Variants in PTPRG observed in about 807,000 individuals in gnomAD.
PTPRG encodes receptor-type tyrosine-protein phosphatase gamma.
Under a neutral mutation model 165.3 loss-of-function variants are expected in PTPRG, and 102 were observed. The ratio of observed to expected loss-of-function variants is 0.62; its 90% CI spans 0.53 to 0.73. The LOEUF is 0.73. Among genes scored for constraint, PTPRG ranks in the 30% least tolerant of loss-of-function variants. The probability of loss-of-function intolerance (pLI) is 0.00; values close to 1 mark genes in which losing one functional copy is unlikely to be tolerated. For synonymous variants in PTPRG, 675 were observed against 669.5 expected (o/e 1.01, Z -0.13); for missense variants, 1,866 against 1,861.4 (o/e 1.00, Z -0.05).
At chr3:61,691,390 G>A (rs1391202149) in intron 1 of PTPRG, among the ~76,000 whole-genome samples, 1 of 152,200 alleles carries the variant, frequency 6.6e-6, no homozygotes, top group Non-Finnish European at 1.5e-5. Flanking sequence ...CTGGGAGACA[G>A]AGGGAGACCC....
chr3:62,114,332 A>G (rs532022712), intron 5 of PTPRG, among the ~76,000 whole-genome samples: 1 of 152,204 alleles, frequency 6.6e-6, no homozygotes, highest in South Asian at 2.1e-4. Context: ...AAAAACGTAG[A>G]TTTCCTAGGT....
chr3:62,106,747 A>G (rs1022224061), intron 5 of PTPRG, among the ~76,000 whole-genome samples: 1 of 152,168 alleles, frequency 6.6e-6, no homozygotes, highest in Non-Finnish European at 1.5e-5. Context: ...ACCTCTAGGA[A>G]CAGAAACAGC....
intron 16 of PTPRG, 75 bp from the exon 17 acceptor site, chr3:62,262,723 C>T: frequency 9.1e-7 from 1 of 1,094,600 alleles, no homozygotes; most frequent in Non-Finnish European, 1.3e-6. Flanking sequence ...TGAGTAAATA[C>T]TTTATGCCTT....
chr3:62,123,232 C>T (rs1270421608), intron 5 of PTPRG, among the ~76,000 whole-genome samples: 4 of 152,162 alleles, frequency 2.6e-5, no homozygotes, highest in Non-Finnish European at 5.9e-5. Flanking sequence ...AACCCAGTTC[C>T]TCAAGGGCTA....
chr3:62,079,843 A>G (rs1701505405), intron 5 of PTPRG, among the ~76,000 whole-genome samples: 1 of 152,224 alleles, frequency 6.6e-6, no homozygotes, highest in Non-Finnish European at 1.5e-5. Flanking sequence ...CAGCTAATAC[A>G]TCATGTAGAT....
rs575227887 is a variant in PTPRG, at chr3:61,893,401, C to G, written c.191-96224C>G. 3.6e-4 allele frequency among the ~76,000 whole-genome samples: 55 copies of G among 152,290 alleles called. No individual in the cohort carries two copies. In the South Asian group the frequency reaches 0.011, roughly 32 times the overall value. ...TCTCATAAGAACCCCATAAGGTAGT[C>G]AATGTCAATATCTCTTTTTAGCATT... is the stretch of plus-strand genomic sequence containing the variant. On this transcript the variant is annotated intron_variant, in intron 2 of 29. Transcript: ENST00000474889.
intron 2 of PTPRG, among the ~76,000 whole-genome samples, chr3:61,761,925 T>C (rs1182214048): frequency 1.3e-5 from 2 of 152,188 alleles, no homozygotes; most frequent in African/African-American, 4.8e-5. Context: ...TAGTTCCAAA[T>C]GTTAGGCTGA....
At chr3:61,700,796 T>A (rs1437497537) in intron 1 of PTPRG, among the ~76,000 whole-genome samples, 4 of 152,228 alleles carry the variant, frequency 2.6e-5, no homozygotes, top group Non-Finnish European at 5.9e-5. Flanking sequence ...AGCTCTGTCA[T>A]TTTCATTCTG....
At chr3:62,202,751 C>T (rs536603739) in intron 11 of PTPRG, among the ~76,000 whole-genome samples, 1 of 152,330 alleles carries the variant, frequency 6.6e-6, no homozygotes, top group East Asian at 1.9e-4. Context: ...AGCTGAGTAT[C>T]TACTCAAGTG....
chr3:62,149,466 G>A (rs970967241), intron 6 of PTPRG, among the ~76,000 whole-genome samples: 1 of 152,170 alleles, frequency 6.6e-6, no homozygotes, highest in African/African-American at 2.4e-5. Flanking sequence ...ATGTGGTTTC[G>A]CCAAGTTGGC....
intron 4 of PTPRG, among the ~76,000 whole-genome samples, chr3:62,074,870 G>C (rs1701333073): frequency 6.6e-6 from 1 of 152,080 alleles, no homozygotes; most frequent in African/African-American, 2.4e-5. Context: ...AGGTGTTTTT[G>C]GAAAATAGTT....
At position 61,571,936 on chromosome 3, in the gene PTPRG, G is replaced by A. The variant is rs149145523; in HGVS notation, c.85+9564G>A. 1.6e-3 allele frequency among the ~76,000 whole-genome samples: 238 copies of A among 152,232 alleles called. 5 individuals are homozygous for A. The highest frequency in any genetic ancestry group is 0.015 in the South Asian group (73 of 4,818). On this transcript the variant is annotated intron_variant, in intron 1 of 29. Transcript: ENST00000474889. ...TTGGGCAAGACCCTCAATTTCTTTC[G>A]GGTTGTTTGCCTCACCCTTCACTAA...
intron 2 of PTPRG, among the ~76,000 whole-genome samples, chr3:61,779,618 A>G (rs910352532): frequency 9.2e-5 from 14 of 152,190 alleles, no homozygotes; most frequent in African/African-American, 3.4e-4. Context: ...GAGGGTAGAT[A>G]TCCTACCAAA....
In PTPRG at chr3:62,293,792, G is replaced by A. The variant is rs1245681506; in HGVS notation, c.*485G>A. ...TATGCCTTCTGTATTTTAATGGAGT[G>A]GATAGCATTGTTTTCTTTTACAGAC... On this transcript the variant is annotated 3_prime_UTR_variant, in exon 30 of 30. Transcript: ENST00000474889. The A allele has an allele frequency of 6.6e-6, 1 of 152,386 alleles. No homozygotes were observed. The highest frequency in any genetic ancestry group is 1.5e-5 in the Non-Finnish European group (1 of 67,994). The allele number at this position is 152,386 out of a possible 1,614,324, so 9.4% of individuals were successfully genotyped here.
intron 2 of PTPRG, among the ~76,000 whole-genome samples, chr3:61,878,844 G>A (rs2037812332): frequency 6.6e-6 from 1 of 151,970 alleles, no homozygotes; most frequent in South Asian, 2.1e-4. Context: ...CTATATTTTT[G>A]GAATGAGAGT....
chr3:61,661,501 T>C (rs539248709), intron 1 of PTPRG, among the ~76,000 whole-genome samples: 78 of 152,316 alleles, frequency 5.1e-4, no homozygotes, highest in African/African-American at 1.8e-3. Context: ...TGCCACTGAA[T>C]GTTTTTTAGA....
At chr3:62,105,572 C>G (rs984199881) in intron 5 of PTPRG, among the ~76,000 whole-genome samples, 7 of 152,148 alleles carry the variant, frequency 4.6e-5, no homozygotes, top group Admixed American at 4.6e-4. Flanking sequence ...TCTAGAGAGG[C>G]ATTTAAGAAT....
At chr3:62,183,122 C>T (rs1311385310) in intron 8 of PTPRG, among the ~76,000 whole-genome samples, 1 of 152,194 alleles carries the variant, frequency 6.6e-6, no homozygotes, top group Non-Finnish European at 1.5e-5. Flanking sequence ...GAATGAATGA[C>T]CCTCTTAGAT....
At chr3:61,883,699 C>T (rs903967683) in intron 2 of PTPRG, among the ~76,000 whole-genome samples, 7 of 151,994 alleles carry the variant, frequency 4.6e-5, no homozygotes, top group Non-Finnish European at 1.0e-4. Context: ...TTGTCAAAGT[C>T]GCTCTTTTTT....
Sources: allele counts gnomAD v4.1 joint callset (sites outside exome capture counted in the v4.1 genomes callset), GRCh38; gene constraint gnomAD v4.1.1; transcripts MANE v1.5; gene names NCBI Gene and HGNC (gene_info 2026-07-23, HGNC 2026-07-21).